Variants in KIAA1217 observed in about 807,000 individuals in gnomAD.
KIAA1217 encodes sickle tail protein homolog.
Under a neutral mutation model 163.9 loss-of-function variants are expected in KIAA1217, and 88 were observed. The observed-to-expected ratio is 0.54, with a 90% CI of 0.45 to 0.64. The LOEUF (loss-of-function observed/expected upper bound fraction) is 0.64, where lower values mean the gene tolerates loss of function less well. Among genes scored for constraint, KIAA1217 ranks in the 30% least tolerant of loss-of-function variants. The pLI is 0.00. For synonymous variants in KIAA1217, 903 were observed against 923.1 expected (o/e 0.98, Z 0.39); for missense variants, 2,372 against 2,475.0 (o/e 0.96, Z 0.88).
chr10:24,449,895 A>G, intron 5 of KIAA1217: 1 of 259,530 alleles, frequency 3.9e-6, no homozygotes, highest in Non-Finnish European at 6.0e-6. Flanking sequence ...TTTAGGTTTT[A>G]TTTTAACTTC....
At position 24,280,289 on chromosome 10, in the gene KIAA1217, G is replaced by A. The variant is rs1029706457; in HGVS notation, c.354+60380G>A. ...CAAGGAATAGGGGTCCGTATTTTAA[G>A]GACAAAAGGCTAGAAGCCTGTTTGC... On this transcript the variant is annotated intron_variant, in intron 2 of 20. Coordinates refer to ENST00000376454, the MANE Select transcript of KIAA1217 (RefSeq NM_019590.5). Among the ~76,000 whole-genome samples, 7 of 152,198 alleles carry A rather than the reference G, an allele frequency of 4.6e-5. No individual in the cohort carries two copies. In the South Asian group the frequency reaches 1.0e-3, roughly 23 times the overall value.
chr10:24,453,256 A>G (rs1255172920), intron 5 of KIAA1217, among the ~76,000 whole-genome samples: 1 of 130,044 alleles, frequency 7.7e-6, no homozygotes. Flanking sequence ...GAAAAACACT[A>G]TCTATTTGAC....
chr10:24,089,801 A>G (rs1042724069), intron 2 of KIAA1217, among the ~76,000 whole-genome samples: 2 of 151,908 alleles, frequency 1.3e-5, no homozygotes, highest in African/African-American at 4.9e-5. Flanking sequence ...GAGGATACAA[A>G]CAAATGGAAG....
chr10:24,496,037 C>G (rs2066743769), intron 8 of KIAA1217, among the ~76,000 whole-genome samples: 2 of 152,220 alleles, frequency 1.3e-5, no homozygotes, highest in Admixed American at 6.5e-5. Context: ...AATAGAAATC[C>G]TTAGCAGGAA....
At chr10:24,049,407 T>C (rs1288302410) in intron 2 of KIAA1217, among the ~76,000 whole-genome samples, 1 of 152,162 alleles carries the variant, frequency 6.6e-6, no homozygotes, top group African/African-American at 2.4e-5. Flanking sequence ...TCTATTTATT[T>C]ATTTATTTTT....
chr10:24,075,606 CT>C (rs1275191864), intron 2 of KIAA1217, among the ~76,000 whole-genome samples: 3,278 of 137,896 alleles, frequency 0.024, 87 homozygotes, highest in African/African-American at 0.072. Flanking sequence ...AGCATTTTAT[CT>C]TTTTTTTTTT....
chr10:24,451,519 A>G (rs1564703347), intron 5 of KIAA1217, among the ~76,000 whole-genome samples: 1 of 152,266 alleles, frequency 6.6e-6, no homozygotes, highest in Non-Finnish European at 1.5e-5. Context: ...TGCTAACAGC[A>G]TCAACAGGGG....
At chr10:23,758,289 C>T (rs190429673) in intron 1 of KIAA1217, among the ~76,000 whole-genome samples, 22 of 152,194 alleles carry the variant, frequency 1.4e-4, no homozygotes, top group Non-Finnish European at 2.4e-4. Flanking sequence ...TCAAAATTTC[C>T]CAGCACCATT....
At chr10:24,075,748 C>T (rs370005451) in intron 2 of KIAA1217, among the ~76,000 whole-genome samples, 22 of 131,450 alleles carry the variant, frequency 1.7e-4, no homozygotes, top group African/African-American at 3.4e-4. Flanking sequence ...GGATTACAGG[C>T]GCCTGCCACC....
intron 2 of KIAA1217, among the ~76,000 whole-genome samples, chr10:24,043,555 C>A (rs78132129): frequency 1.3e-5 from 2 of 151,998 alleles, no homozygotes; most frequent in Non-Finnish European, 2.9e-5. Context: ...AAAACAGAGA[C>A]CAAAATGCTT....
intron 1 of KIAA1217, among the ~76,000 whole-genome samples, chr10:23,789,604 A>T (rs1386466146): frequency 6.6e-6 from 1 of 152,134 alleles, no homozygotes; most frequent in African/African-American, 2.4e-5. Flanking sequence ...TACATAGCCC[A>T]TTCTAGCAAC....
intron 1 of KIAA1217, among the ~76,000 whole-genome samples, chr10:24,001,314 T>C (rs1475572098): frequency 6.6e-6 from 1 of 152,202 alleles, no homozygotes; most frequent in Non-Finnish European, 1.5e-5. Context: ...TCTTATTACA[T>C]GAATGATCAA....
At chr10:24,092,906 T>C (rs2061989436) in intron 2 of KIAA1217, among the ~76,000 whole-genome samples, 1 of 135,736 alleles carries the variant, frequency 7.4e-6, no homozygotes, top group Non-Finnish European at 1.5e-5. Context: ...GTATGTATAG[T>C]GTGTGTGTGT....
At chr10:23,804,388 G>C (rs1285383969) in intron 1 of KIAA1217, among the ~76,000 whole-genome samples, 1 of 152,214 alleles carries the variant, frequency 6.6e-6, no homozygotes, top group Non-Finnish European at 1.5e-5. Flanking sequence ...CTGGGTGACA[G>C]CTTTAGAATG....
intron 9 of KIAA1217, among the ~76,000 whole-genome samples, chr10:24,507,244 A>G (rs990927643): frequency 6.6e-6 from 1 of 152,242 alleles, no homozygotes; most frequent in East Asian, 1.9e-4. Context: ...AAAGGAAAAC[A>G]ACAAAATTCA....
intron 1 of KIAA1217, among the ~76,000 whole-genome samples, chr10:23,962,215 G>A (rs2131374628): frequency 6.6e-6 from 1 of 152,286 alleles, no homozygotes; most frequent in Non-Finnish European, 1.5e-5. Context: ...GAAGAGCCTG[G>A]ATTAGAATAT....
intron 2 of KIAA1217, among the ~76,000 whole-genome samples, chr10:24,052,447 G>A (rs939646504): frequency 1.3e-5 from 2 of 152,032 alleles, no homozygotes; most frequent in African/African-American, 4.8e-5. Context: ...CCAAACTTTA[G>A]ATCAATGTCC....
At chr10:23,996,937 C>G (rs904663570) in intron 1 of KIAA1217, among the ~76,000 whole-genome samples, 1 of 152,158 alleles carries the variant, frequency 6.6e-6, no homozygotes, top group Non-Finnish European at 1.5e-5. Context: ...TACTCCTGAG[C>G]ATCCCAGTAT....
intron 1 of KIAA1217, among the ~76,000 whole-genome samples, chr10:23,951,629 C>CAAGCAAGA: frequency 6.6e-6 from 1 of 151,456 alleles, no homozygotes; most frequent in South Asian, 2.2e-4. Context: ...CTCCAGCCTG[C>CAAGCAAGA]AAGCAAGCAA....
Sources: gnomAD v4.1 joint callset for allele counts (sites outside exome capture counted in the v4.1 genomes callset) on GRCh38, gnomAD v4.1.1 for gene constraint, MANE v1.5 for transcripts, NCBI Gene and HGNC (gene_info 2026-07-23, HGNC 2026-07-21) for gene names.